FNDC3B: variants seen among roughly 807,000 people sequenced by gnomAD.
The protein encoded by FNDC3B is fibronectin type III domain containing 3B.
FNDC3B carries 12 observed loss-of-function variants against 151.5 expected under a neutral mutation model. That is an observed-to-expected ratio of 0.08 (90% CI 0.05 to 0.13). FNDC3B has a LOEUF of 0.13. FNDC3B is among the 10% of genes least tolerant of loss of function. The probability of loss-of-function intolerance (pLI) is 1.00; values close to 1 mark genes in which losing one functional copy is unlikely to be tolerated. For missense variants in FNDC3B, 1,214 were observed against 1,505.3 expected (o/e 0.81, Z 3.20); for synonymous variants, 528 against 549.0 (o/e 0.96, Z 0.54).
intron 6 of FNDC3B, among the ~76,000 whole-genome samples, chr3:172,258,849 G>C (rs1728501072): frequency 6.6e-6 from 1 of 152,158 alleles, no homozygotes; most frequent in Non-Finnish European, 1.5e-5. Context: ...ATTTAGTAGG[G>C]CTTTTGCACT....
At chr3:172,041,687 T>C (rs2108446608) in intron 1 of FNDC3B, among the ~76,000 whole-genome samples, 1 of 151,958 alleles carries the variant, frequency 6.6e-6, no homozygotes, top group South Asian at 2.1e-4. Context: ...GCTGCCGGAG[T>C]TGCTCCTCCA....
rs573637378 is a variant in FNDC3B, at chr3:172,189,255, A to G, written c.188-37616A>G. Among the ~76,000 whole-genome samples, 4 of 152,282 alleles carry G rather than the reference A, an allele frequency of 2.6e-5. No individual in the cohort carries two copies. The East Asian group carries it at 7.7e-4, about 29-fold the overall frequency. ...AAAAATGTTCAGTCAAAATATTGTC[A>G]TGTTAATCGTATTTTTCAAGATGTG... On this transcript the variant is annotated intron_variant, in intron 3 of 25. Coordinates refer to ENST00000415807, the MANE Select transcript of FNDC3B (RefSeq NM_022763.4).
At chr3:172,327,763 T>C (rs1275271681) in intron 11 of FNDC3B, among the ~76,000 whole-genome samples, 2 of 152,248 alleles carry the variant, frequency 1.3e-5, no homozygotes, top group African/African-American at 4.8e-5. Flanking sequence ...TGTGTTCATT[T>C]TATTTTTAAT....
intron 4 of FNDC3B, among the ~76,000 whole-genome samples, chr3:172,237,061 A>G (rs1051653927): frequency 6.6e-6 from 1 of 152,216 alleles, no homozygotes; most frequent in Non-Finnish European, 1.5e-5. Flanking sequence ...TTCTGAGTGT[A>G]TAAAAGTGTT....
intron 19 of FNDC3B, among the ~76,000 whole-genome samples, chr3:172,345,085 C>T (rs1175774070): frequency 6.6e-6 from 1 of 152,100 alleles, no homozygotes; most frequent in Admixed American, 6.5e-5. Flanking sequence ...CTTGCAGTGA[C>T]TTTTTGTTTT....
intron 6 of FNDC3B, among the ~76,000 whole-genome samples, chr3:172,271,264 C>G (rs1400680623): frequency 6.6e-6 from 1 of 152,172 alleles, no homozygotes; most frequent in African/African-American, 2.4e-5. Context: ...AAATTTCACT[C>G]AGATACTCTT....
intron 8 of FNDC3B, among the ~76,000 whole-genome samples, chr3:172,296,879 G>A (rs941662269): frequency 3.3e-5 from 5 of 151,960 alleles, no homozygotes; most frequent in African/African-American, 1.2e-4. Flanking sequence ...TTGAGTATGT[G>A]TATACGCTCT....
intron 2 of FNDC3B, among the ~76,000 whole-genome samples, chr3:172,112,996 C>A (rs1720051653): frequency 6.6e-6 from 1 of 152,162 alleles, no homozygotes; most frequent in Non-Finnish European, 1.5e-5. Flanking sequence ...TGTGAACCCA[C>A]CCTTGCTCCT....
At chr3:172,261,547 C>T (rs1728647748) in intron 6 of FNDC3B, among the ~76,000 whole-genome samples, 1 of 152,170 alleles carries the variant, frequency 6.6e-6, no homozygotes, top group Non-Finnish European at 1.5e-5. Context: ...ATTTGCTCAA[C>T]CAGACACACA....
chr3:172,228,852 A>G (rs1726727808), intron 4 of FNDC3B, among the ~76,000 whole-genome samples: 1 of 152,184 alleles, frequency 6.6e-6, no homozygotes, highest in Non-Finnish European at 1.5e-5. Context: ...TGATAGTATT[A>G]TGTCTTTTAT....
intron 3 of FNDC3B, among the ~76,000 whole-genome samples, chr3:172,158,726 A>G (rs1722623899): frequency 6.6e-6 from 1 of 152,178 alleles, no homozygotes; most frequent in African/African-American, 2.4e-5. Flanking sequence ...CCCAGACTCC[A>G]AAGATTTTTT....
intron 3 of FNDC3B, among the ~76,000 whole-genome samples, chr3:172,141,653 A>G (rs1721636869): frequency 6.6e-6 from 1 of 151,986 alleles, no homozygotes. Context: ...CCTGGCCAAC[A>G]TGGTGAAACC....
At chr3:172,345,655 T>G (rs188713544) in intron 19 of FNDC3B, among the ~76,000 whole-genome samples, 2 of 152,238 alleles carry the variant, frequency 1.3e-5, no homozygotes, top group African/African-American at 4.8e-5. Flanking sequence ...CTGGCAAGTT[T>G]TTACTCTGCT....
intron 4 of FNDC3B, among the ~76,000 whole-genome samples, chr3:172,243,428 T>A (rs549132407): frequency 6.6e-6 from 1 of 152,318 alleles, no homozygotes; most frequent in Admixed American, 6.5e-5. Flanking sequence ...AGCCTCACAA[T>A]CATGGTGGAA....
At chr3:172,269,985 A>G (rs1283366936) in intron 6 of FNDC3B, among the ~76,000 whole-genome samples, 2 of 152,212 alleles carry the variant, frequency 1.3e-5, no homozygotes, top group African/African-American at 2.4e-5. Flanking sequence ...CATCAAATAC[A>G]TATTCTTAGT....
rs191542391 is a variant in FNDC3B at position 172,047,137 on chromosome 3, A to G, written c.-29+7366A>G. On this transcript the variant is annotated intron_variant, in intron 1 of 25. Coordinates refer to ENST00000415807, the MANE Select transcript of FNDC3B (RefSeq NM_022763.4). ...GTCATAAAAACTTACTTAAATTGACATGATCCTAACTCACAATTATGAAAA... is the reference window on the plus strand; with the variant it reads ...GTCATAAAAACTTACTTAAATTGACGTGATCCTAACTCACAATTATGAAAA... 2.8e-3 allele frequency among the ~76,000 whole-genome samples: 424 copies of G among 152,350 alleles called. 1 individual carries two copies. Among genetic ancestry groups the G allele is most frequent in the African/African-American group, 9.5e-3 (396 of 41,580 alleles).
chr3:172,145,492 A>AGT, intron 3 of FNDC3B, among the ~76,000 whole-genome samples: 1 of 152,330 alleles, frequency 6.6e-6, no homozygotes, highest in East Asian at 1.9e-4. Context: ...TTGTTCTTGA[A>AGT]GTGCTGAGTC....
At chr3:172,147,762 A>G (rs1321823339) in intron 3 of FNDC3B, among the ~76,000 whole-genome samples, 1 of 152,086 alleles carries the variant, frequency 6.6e-6, no homozygotes, top group East Asian at 1.9e-4. Flanking sequence ...TCTGAGACTC[A>G]TGGAGGTGGA....
intron 1 of FNDC3B, among the ~76,000 whole-genome samples, chr3:172,109,636 T>G (rs1045594330): frequency 4.6e-5 from 7 of 152,274 alleles, no homozygotes; most frequent in Non-Finnish European, 1.0e-4. Context: ...AACTTAGGAG[T>G]GTATGATGTT....
Sources: gnomAD v4.1 joint callset for allele counts (sites outside exome capture counted in the v4.1 genomes callset) on GRCh38, gnomAD v4.1.1 for gene constraint, MANE v1.5 for transcripts, NCBI Gene and HGNC (gene_info 2026-07-23, HGNC 2026-07-21) for gene names.